KCNK2: variants seen among roughly 807,000 people sequenced by gnomAD.
KCNK2 encodes potassium channel subfamily K member 2.
A neutral mutation model predicts 40.5 loss-of-function variants in KCNK2; 21 were observed. The ratio of observed to expected loss-of-function variants is 0.52; its 90% confidence interval spans 0.37 to 0.75. The LOEUF (loss-of-function observed/expected upper bound fraction) is 0.75. Among genes scored for constraint, KCNK2 ranks in the 30% least tolerant of loss-of-function variants. The probability of loss-of-function intolerance (pLI) is 0.00; values close to 1 mark genes in which losing one functional copy is unlikely to be tolerated. For synonymous variants in KCNK2, 191 were observed against 202.2 expected (o/e 0.94, Z 0.47); for missense variants, 399 against 531.6 (o/e 0.75, Z 2.45).
chr1:215,102,212 T>A (rs977208265), intron 2 of KCNK2, among the ~76,000 whole-genome samples: 1 of 151,972 alleles, frequency 6.6e-6, no homozygotes, highest in Non-Finnish European at 1.5e-5. Context: ...TGCATGTCAT[T>A]ATTCCTGAAC....
At chr1:215,021,828 C>T (rs550256224) in intron 1 of KCNK2, among the ~76,000 whole-genome samples, 8 of 152,262 alleles carry the variant, frequency 5.3e-5, no homozygotes, top group Admixed American at 2.6e-4. Context: ...GGATTACAGG[C>T]GTGAGCCACT....
intron 1 of KCNK2, among the ~76,000 whole-genome samples, chr1:215,008,071 G>T (rs887092773): frequency 6.6e-6 from 1 of 151,346 alleles, no homozygotes; most frequent in South Asian, 2.1e-4. Context: ...CAAAATTCTG[G>T]GACCTTGACC....
intron 1 of KCNK2, among the ~76,000 whole-genome samples, chr1:215,007,581 T>C (rs1656226536): frequency 6.6e-6 from 1 of 152,024 alleles, no homozygotes; most frequent in South Asian, 2.1e-4. Context: ...TGCTCTAATT[T>C]CTTCTCATAT....
chr1:215,083,194 T>TA lies in KCNK2; in HGVS notation c.-192_-191insA. ...CCCGCGATTTCGTTTCTTCTCACGC[T>TA]CCCCCCCCCGCCCCCTCCCGCGTCC... On this transcript the variant is annotated 5_prime_UTR_variant, in exon 1 of 7. Transcript: ENST00000444842. 3.6e-5 allele frequency: 18 copies of TA among 501,810 alleles called. No homozygotes were observed. The highest frequency in any genetic ancestry group is 5.3e-5 in the Non-Finnish European group (16 of 301,550). The allele number at this position is 501,810 out of a possible 1,614,324, so 31.1% of individuals were successfully genotyped here.
At chr1:215,153,513 T>A (rs1662774957) in intron 3 of KCNK2, among the ~76,000 whole-genome samples, 2 of 152,054 alleles carry the variant, frequency 1.3e-5, no homozygotes. Context: ...CTTGGCAAAA[T>A]CATTAGGCCT....
intron 2 of KCNK2, among the ~76,000 whole-genome samples, chr1:215,087,641 A>T (rs906876696): frequency 3.3e-5 from 5 of 152,200 alleles, no homozygotes; most frequent in Admixed American, 3.3e-4. Context: ...TTCTTACCTG[A>T]TTTAATTCAA....
At chr1:215,007,840 C>T (rs1656239728) in intron 1 of KCNK2, among the ~76,000 whole-genome samples, 1 of 152,068 alleles carries the variant, frequency 6.6e-6, no homozygotes, top group African/African-American at 2.4e-5. Context: ...ATGTATATAA[C>T]ATCATATAAA....
chr1:215,016,081 C>G (rs1045834381), intron 1 of KCNK2, among the ~76,000 whole-genome samples: 2 of 152,196 alleles, frequency 1.3e-5, no homozygotes, highest in East Asian at 1.9e-4. Context: ...ATGCAACAAG[C>G]CACATGACTG....
chr1:215,172,232 G>A, intron 5 of KCNK2, 49 bp downstream of exon 5: 2 of 1,499,844 alleles, frequency 1.3e-6, no homozygotes, highest in Non-Finnish European at 9.1e-7. Flanking sequence ...GGGTTTATTA[G>A]ATAGATTTTT....
intron 5 of KCNK2, among the ~76,000 whole-genome samples, chr1:215,191,939 CT>C: frequency 6.6e-6 from 1 of 152,134 alleles, no homozygotes; most frequent in East Asian, 1.9e-4. Context: ...GGCAGTGGCC[CT>C]GTCAATAACA....
chr1:215,087,687 G>A (rs138974439), intron 2 of KCNK2, among the ~76,000 whole-genome samples: 9 of 152,204 alleles, frequency 5.9e-5, no homozygotes, highest in African/African-American at 1.9e-4. Context: ...CATCATCTGA[G>A]CATGTTCTTT....
intron 1 of KCNK2, among the ~76,000 whole-genome samples, chr1:215,007,744 C>T (rs561015461): frequency 4.5e-4 from 68 of 152,182 alleles, no homozygotes; most frequent in African/African-American, 1.5e-3. Context: ...AACTAAGCAA[C>T]GGTTATCATT....
chr1:215,218,612 C>T (rs2102697091), intron 6 of KCNK2, among the ~76,000 whole-genome samples: 1 of 152,186 alleles, frequency 6.6e-6, no homozygotes, highest in African/African-American at 2.4e-5. Flanking sequence ...GTCTCTATAC[C>T]ACCACTTTGA....
Position 215,021,611 on chromosome 1 carries a change from T to A in KCNK2, c.34+15656T>A, listed in dbSNP as rs182288339. ...CCCAGGCTGGAGTGCAGTGGCGCGA[T>A]CTCCGCTCGCTGCAAGCTCCGCCTC... On this transcript the variant is annotated intron_variant, in intron 1 of 6. Coordinates refer to the KCNK2 transcript ENST00000391895. 1.6e-3 allele frequency among the ~76,000 whole-genome samples: 229 copies of A among 144,680 alleles called. 2 individuals are homozygous for A. The highest frequency in any genetic ancestry group is 1.0e-3 in the East Asian group (5 of 4,792). The allele number at this position is 144,680 out of a possible 152,430, so 94.9% of individuals were successfully genotyped here.
Position 215,124,623 on chromosome 1 carries a change from A to G in KCNK2, c.358-10A>G, listed in dbSNP as rs1661336657. 1 of 1,542,104 alleles carries G rather than the reference A, an allele frequency of 6.5e-7. No homozygotes were observed. The highest frequency in any genetic ancestry group is 9.0e-7 in the Non-Finnish European group (1 of 1,114,546). The stretch of plus-strand genomic sequence containing the variant: ...CATGTGTACTGATAAATTTCTTTTT[A>G]AACTTGCAGCAAATAGTGGCAGCAA... On this transcript the variant is annotated splice_polypyrimidine_tract_variant and intron_variant, in intron 2 of 6. Transcript: ENST00000444842.
intron 1 of KCNK2, among the ~76,000 whole-genome samples, chr1:215,056,045 C>G (rs1309803323): frequency 6.6e-6 from 1 of 152,054 alleles, no homozygotes; most frequent in East Asian, 1.9e-4. Context: ...GTGGCTCATG[C>G]CTGTAATCCC....
intron 2 of KCNK2, among the ~76,000 whole-genome samples, chr1:215,101,023 G>T (rs573844055): frequency 6.6e-6 from 1 of 151,130 alleles, no homozygotes; most frequent in Non-Finnish European, 1.5e-5. Context: ...CTGTTATAGA[G>T]GCCTGAAGTA....
At chr1:215,153,539 G>A (rs967424721) in intron 3 of KCNK2, among the ~76,000 whole-genome samples, 23 of 149,762 alleles carry the variant, frequency 1.5e-4, no homozygotes, top group Admixed American at 6.7e-4. Context: ...TGCTGTTTAC[G>A]TTCTTCTTTC....
intron 2 of KCNK2, among the ~76,000 whole-genome samples, chr1:215,119,626 T>G (rs2102574185): frequency 6.6e-6 from 1 of 152,256 alleles, no homozygotes; most frequent in South Asian, 2.1e-4. Flanking sequence ...AAGTTTTAAG[T>G]TTGGAAGCCC....
Sources: allele counts gnomAD v4.1 joint callset (sites outside exome capture counted in the v4.1 genomes callset), GRCh38; gene constraint gnomAD v4.1.1; transcripts MANE v1.5; gene names NCBI Gene and HGNC (gene_info 2026-07-23, HGNC 2026-07-21).